Variants in JAKMIP1 observed in about 807,000 individuals in gnomAD.
JAKMIP1 encodes janus kinase and microtubule-interacting protein 1.
In JAKMIP1, 33 loss-of-function variants were observed where a neutral mutation model predicts 113.0. The ratio of observed to expected loss-of-function variants is 0.29; its 90% confidence interval spans 0.22 to 0.39. The LOEUF (loss-of-function observed/expected upper bound fraction) is 0.39, where lower values mean the gene tolerates loss of function less well. JAKMIP1 is among the 10% of genes least tolerant of loss of function. JAKMIP1 has a pLI of 1.00. For missense variants in JAKMIP1, 813 were observed against 1,080.5 expected (o/e 0.75, Z 3.47); for synonymous variants, 480 against 459.9 (o/e 1.04, Z -0.56).
At chr4:6,099,926 G>A (rs140503399) in intron 3 of JAKMIP1, among the ~76,000 whole-genome samples, 6 of 152,216 alleles carry the variant, frequency 3.9e-5, no homozygotes, top group East Asian at 3.9e-4. Context: ...GCTGCTCCAC[G>A]TCCTTGCCAT....
At chr4:6,083,428 G>C (rs543746381) in intron 5 of JAKMIP1, among the ~76,000 whole-genome samples, 1 of 151,342 alleles carries the variant, frequency 6.6e-6, no homozygotes, top group Non-Finnish European at 1.5e-5. Flanking sequence ...AGATTGAAGC[G>C]TTGGCAAACT....
chr4:6,072,061 T>G (rs1209113565), intron 8 of JAKMIP1, among the ~76,000 whole-genome samples: 1 of 152,246 alleles, frequency 6.6e-6, no homozygotes, highest in East Asian at 1.9e-4. Context: ...GAGAAAAGGT[T>G]AAGCATCTCT....
intron 16 of JAKMIP1, among the ~76,000 whole-genome samples, chr4:6,047,277 C>T (rs532406383): frequency 1.3e-5 from 2 of 152,358 alleles, no homozygotes; most frequent in East Asian, 3.9e-4. Context: ...CAGCACTTGA[C>T]ACTAAGATGC....
At chr4:6,066,151 C>T (rs1190509294) in intron 8 of JAKMIP1, among the ~76,000 whole-genome samples, 1 of 152,148 alleles carries the variant, frequency 6.6e-6, no homozygotes, top group Non-Finnish European at 1.5e-5. Flanking sequence ...CCCAGAGCTC[C>T]CCCAACCCAC....
At position 6,078,964 on chromosome 4, in the gene JAKMIP1, C is replaced by T. The variant is rs759983342; in HGVS notation, c.1277G>A (p.Arg426Gln). 13 of 1,614,060 alleles carry T rather than the reference C, an allele frequency of 8.1e-6. No homozygotes were observed. The highest frequency in any genetic ancestry group is 1.7e-5 in the Admixed American group (1 of 60,002). The change falls in exon 8 of 21, where the codon CGA (arginine) becomes CAA (glutamine). Residue 426 changes from arginine to glutamine, a missense_variant. By Grantham distance (43) the Arg-to-Gln change is conservative. Around this residue, in one of 2 missense-constraint regions of JAKMIP1, gnomAD observed 540 missense variants for 653.9 expected, o/e 0.83. Coordinates refer to ENST00000409021, the MANE Select transcript of JAKMIP1 (RefSeq NM_001099433.2). ...RERLLRSKRH[R>Q]GKSLKPPKKH... ...CTTGGGCGGTTTCAGACTTTTCCCT[C>T]GATGCCTTTTGGAGCGCAACAGCCG...
chr4:6,035,796 C>G, intron 19 of JAKMIP1, 108 bp downstream of exon 19: 1 of 938,428 alleles, frequency 1.1e-6, no homozygotes, highest in Non-Finnish European at 1.6e-6. Context: ...ACCACCAACT[C>G]TCCCTGGAAT....
rs779062519 is a variant in JAKMIP1, at chr4:6,085,501, C to A, written c.753G>T (p.Lys251Asn). ...EALDEQLVQVKEAERHHSSPK... is the reference protein window; with the variant it reads ...EALDEQLVQVNEAERHHSSPK... The stretch of plus-strand genomic sequence containing the variant: ...GACTACTGTGGTGCCGCTCGGCCTC[C>A]TTGACCTGAACCAGCTGCTCATCCA... Residue 251 changes from lysine (K) to asparagine (N), a missense_variant, in exon 4 of 21, where the codon AAG becomes AAT. Around this residue, in one of 2 missense-constraint regions of JAKMIP1, gnomAD observed 540 missense variants for 653.9 expected, o/e 0.83. Transcript: ENST00000409021. 6.2e-7 allele frequency: 1 copy of A among 1,614,186 alleles called. No individual in the cohort carries two copies. The highest frequency in any genetic ancestry group is 8.5e-7 in the Non-Finnish European group (1 of 1,180,036).
intron 1 of JAKMIP1, among the ~76,000 whole-genome samples, chr4:6,182,410 GAAA>G (rs56678982): frequency 1.1e-4 from 13 of 120,302 alleles, no homozygotes; most frequent in Non-Finnish European, 1.5e-4. Context: ...CCCTGTCTCA[GAAA>G]AAAAAAAAAA....
At chr4:6,035,454 A>T (rs1713285878) in intron 19 of JAKMIP1, among the ~76,000 whole-genome samples, 1 of 152,150 alleles carries the variant, frequency 6.6e-6, no homozygotes, top group African/African-American at 2.4e-5. Flanking sequence ...GCTCAGTAGC[A>T]CATGAAACTC....
At chr4:6,170,951 C>A (rs1461254038) in intron 1 of JAKMIP1, among the ~76,000 whole-genome samples, 1 of 146,984 alleles carries the variant, frequency 6.8e-6, no homozygotes, top group East Asian at 2.1e-4. Flanking sequence ...CACCAGCATC[C>A]CCATCACCAT....
In JAKMIP1 at chr4:6,181,252, G is replaced by C. The variant is rs1163655627; in HGVS notation, c.-148+19001C>G. Reference sequence around the variant, plus strand: ...TGGTGGACGCAGTTCACATTTCTTAGGCTTCCTCTCAAGAAAGCAGTTCCA... The same window carrying C: ...TGGTGGACGCAGTTCACATTTCTTACGCTTCCTCTCAAGAAAGCAGTTCCA... On this transcript the variant is annotated intron_variant, in intron 1 of 20. Coordinates refer to ENST00000409021, the MANE Select transcript of JAKMIP1 (RefSeq NM_001099433.2). The surrounding 1 kb of genome is among the most constrained non-coding windows in gnomAD (Gnocchi z 5.4). Among the ~76,000 whole-genome samples, 6 of 152,180 alleles carry C rather than the reference G, an allele frequency of 3.9e-5. No homozygotes were observed. The highest frequency in any genetic ancestry group is 6.6e-5 in the Admixed American group (1 of 15,264).
In JAKMIP1 at chr4:6,183,068, G is replaced by C. The variant is rs1466917870; in HGVS notation, c.-148+17185C>G. ...CCAGGTCCCATCTTAGTAATACAAG[G>C]ACTCTTGAAGGTTGAGACAGAACAA... On this transcript the variant is annotated intron_variant, in intron 1 of 20. Coordinates refer to ENST00000409021, the MANE Select transcript of JAKMIP1 (RefSeq NM_001099433.2). This position sits in a 1 kb window ranked among gnomAD's most constrained non-coding sequence, Gnocchi z 5.3. Among the ~76,000 whole-genome samples, 1 of 152,180 alleles carries C rather than the reference G, an allele frequency of 6.6e-6. No homozygotes were observed. The highest frequency in any genetic ancestry group is 6.5e-5 in the Admixed American group (1 of 15,278).
At chr4:6,198,534 C>T (rs1728089850) in intron 1 of JAKMIP1, among the ~76,000 whole-genome samples, 1 of 152,152 alleles carries the variant, frequency 6.6e-6, no homozygotes, top group Non-Finnish European at 1.5e-5. Flanking sequence ...ATTGGGTCCA[C>T]ACTGTGAGCC....
rs374085209 is a variant in JAKMIP1 at position 6,081,806 on chromosome 4, C to T, written c.955-51G>A. ...CTCAGACAACTTGACGACGGACGGC[C>T]GAGGTCACAGCACCGAGGTGAGCAG... On this transcript the variant is annotated intron_variant, in intron 5 of 20. Transcript: ENST00000409021. The surrounding 1 kb of genome is among the most constrained non-coding windows in gnomAD (Gnocchi z 4.6). 53 of 1,609,890 alleles carry T rather than the reference C, an allele frequency of 3.3e-5. No homozygotes were observed. The Middle Eastern group carries it at 6.6e-4, about 20-fold the overall frequency.
chr4:6,041,426 C>T (rs1714301153), intron 17 of JAKMIP1, among the ~76,000 whole-genome samples: 2 of 152,200 alleles, frequency 1.3e-5, no homozygotes, highest in African/African-American at 4.8e-5. Context: ...GCTCCTAGGC[C>T]ACACTAGTCC....
rs115652773 is a variant in JAKMIP1, at chr4:6,180,294, T to C, written c.-148+19959A>G. ...GAACCCACAAAAAATTCTCATCAAA[T>C]AGAAATGAGAGTTGTTTATCAACAT... On this transcript the variant is annotated intron_variant, in intron 1 of 20. Coordinates refer to ENST00000409021, the MANE Select transcript of JAKMIP1 (RefSeq NM_001099433.2). The surrounding 1 kb of genome is among the most constrained non-coding windows in gnomAD (Gnocchi z 4.5). 2.5e-3 allele frequency among the ~76,000 whole-genome samples: 385 copies of C among 152,280 alleles called. No individual in the cohort carries two copies. Among genetic ancestry groups the C allele is most frequent in the African/African-American group, 8.1e-3 (338 of 41,562 alleles).
chr4:6,035,142 T>G (rs767476715), intron 19 of JAKMIP1, among the ~76,000 whole-genome samples: 93 of 152,088 alleles, frequency 6.1e-4, no homozygotes, highest in Non-Finnish European at 1.2e-3. Flanking sequence ...TCTCTTTCTC[T>G]CTCTCTCTGC....
rs772862948 is a variant in JAKMIP1 at position 6,112,869 on chromosome 4, G to C, written c.-19C>G. The C allele has an allele frequency of 1.2e-6, 2 of 1,612,138 alleles. No homozygotes were observed. The highest frequency in any genetic ancestry group is 1.3e-5 in the African/African-American group (1 of 74,924). On this transcript the variant is annotated 5_prime_UTR_variant, in exon 2 of 21. Coordinates refer to ENST00000409021, the MANE Select transcript of JAKMIP1 (RefSeq NM_001099433.2). ...TCGACATGCTTCCCCTTGGGTCAGA[G>C]TGCTGAGATCCTGCGGTCCACACCT...
rs1312489423 is a variant in JAKMIP1 at position 6,181,489 on chromosome 4, C to A, written c.-148+18764G>T. Among the ~76,000 whole-genome samples, 1 of 152,150 alleles carries A rather than the reference C, an allele frequency of 6.6e-6. No homozygotes were observed. Among genetic ancestry groups the A allele is most frequent in the Admixed American group, 6.5e-5 (1 of 15,270 alleles). On this transcript the variant is annotated intron_variant, in intron 1 of 20. Transcript: ENST00000409021. This position sits in a 1 kb window ranked among gnomAD's most constrained non-coding sequence, Gnocchi z 5.4. The stretch of plus-strand genomic sequence containing the variant: ...TCCCTCAATGTCTCAGTGGCTCCCC[C>A]ATCCCTTGAGGAGCTCCTAGCCAAG...
Sources: allele counts gnomAD v4.1 joint callset (sites outside exome capture counted in the v4.1 genomes callset), GRCh38; gene constraint gnomAD v4.1.1; regional missense constraint gnomAD v4.1.1; non-coding constraint Gnocchi (gnomAD v3.1); transcripts MANE v1.5; gene names NCBI Gene and HGNC (gene_info 2026-07-23, HGNC 2026-07-21).